Variants in UTRN observed in about 807,000 individuals in gnomAD.
UTRN encodes the protein utrophin.
Under a neutral mutation model 463.9 loss-of-function variants are expected in UTRN, and 283 were observed. That is an observed-to-expected ratio of 0.61 (90% CI 0.55 to 0.67). The LOEUF is 0.67. UTRN is among the 30% of genes least tolerant of loss of function. The pLI is 0.00. For missense variants in UTRN, 3,922 were observed against 4,084.3 expected, an observed-to-expected ratio of 0.96 and a Z score of 1.08; for synonymous variants, 1,442 against 1,431.5, an observed-to-expected ratio of 1.01 and a Z score of -0.17.
At chr6:144,824,905 C>T (rs1780042125) in intron 66 of UTRN, among the ~76,000 whole-genome samples, 2 of 151,776 alleles carry the variant, frequency 1.3e-5, no homozygotes, top group African/African-American at 4.8e-5. Flanking sequence ...TTTTCAGCCT[C>T]CCAAGAAGCT....
At chr6:144,470,486 G>A (rs545314991) in intron 23 of UTRN, among the ~76,000 whole-genome samples, 2 of 151,786 alleles carry the variant, frequency 1.3e-5, no homozygotes, top group African/African-American at 4.8e-5. Flanking sequence ...GGGCAGAGAC[G>A]CTCCCCACAT....
chr6:144,321,242 C>T (rs1031631209), intron 2 of UTRN, among the ~76,000 whole-genome samples: 4 of 151,918 alleles, frequency 2.6e-5, no homozygotes, highest in South Asian at 2.1e-4. Context: ...CCATATACAC[C>T]CATATCTGGG....
At chr6:144,432,123 CT>C (rs1255727373) in intron 9 of UTRN, among the ~76,000 whole-genome samples, 31 of 152,120 alleles carry the variant, frequency 2.0e-4, no homozygotes, top group African/African-American at 7.2e-4. Flanking sequence ...TCTCCTAATG[CT>C]ATTTAAAGAC....
intron 7 of UTRN, among the ~76,000 whole-genome samples, chr6:144,427,786 C>T (rs571437769): frequency 6.6e-6 from 1 of 152,196 alleles, no homozygotes; most frequent in East Asian, 1.9e-4. Flanking sequence ...TCAACAAATA[C>T]GTGTGGGGTG....
intron 51 of UTRN, among the ~76,000 whole-genome samples, chr6:144,666,272 T>G (rs1020796876): frequency 6.6e-6 from 1 of 152,230 alleles, no homozygotes; most frequent in South Asian, 2.1e-4. Context: ...CTGCATTTAT[T>G]TCTAAATTTT....
rs1562955094 is a variant in UTRN, at chr6:144,824,609, TA to T, written c.9495-2738del. ...ATATATATATATATATATATATATATATATCTTTTTTTTTTTTTTTTTTTTT... is the reference window on the plus strand; with the variant it reads ...ATATATATATATATATATATATATATTATCTTTTTTTTTTTTTTTTTTTTT... On this transcript the variant is annotated intron_variant, in intron 66 of 74. Transcript: ENST00000367545. 9.5e-3 allele frequency among the ~76,000 whole-genome samples: 437 copies of T among 45,974 alleles called. 3 individuals are homozygous for T. Among genetic ancestry groups the T allele is most frequent in the East Asian group, 0.013 (7 of 550 alleles). 30.2% of individuals were successfully genotyped at this position (45,974 alleles called of 152,430 possible).
intron 66 of UTRN, among the ~76,000 whole-genome samples, chr6:144,824,576 A>ATT (rs1779937518): frequency 1.3e-4 from 3 of 22,764 alleles, no homozygotes; most frequent in South Asian, 2.5e-3. Flanking sequence ...TTTTATTTAT[A>ATT]TATATATATA....
At chr6:144,645,087 C>T (rs987798887) in intron 51 of UTRN, among the ~76,000 whole-genome samples, 1 of 152,122 alleles carries the variant, frequency 6.6e-6, no homozygotes, top group Non-Finnish European at 1.5e-5. Flanking sequence ...AAGCATAACC[C>T]GAATTGCAAT....
At chr6:144,658,723 C>G (rs993098205) in intron 51 of UTRN, among the ~76,000 whole-genome samples, 1 of 152,190 alleles carries the variant, frequency 6.6e-6, no homozygotes, top group Non-Finnish European at 1.5e-5. Flanking sequence ...TATTGGTATA[C>G]TGTATAGCTA....
chr6:144,572,647 G>C (rs2128622634), intron 50 of UTRN, among the ~76,000 whole-genome samples: 1 of 152,212 alleles, frequency 6.6e-6, no homozygotes, highest in East Asian at 1.9e-4. Context: ...AACATGCAGT[G>C]TTTGGTTTTA....
chr6:144,480,135 G>A (rs575758044), intron 26 of UTRN, among the ~76,000 whole-genome samples, 153 bp downstream of exon 26: 29 of 152,286 alleles, frequency 1.9e-4, no homozygotes, highest in African/African-American at 5.5e-4. Context: ...CAGGGTAGCT[G>A]CTCTAATTTT....
In UTRN at chr6:144,438,739, G is replaced by C. The variant is rs370637312; in HGVS notation, c.1242-6G>C. 3.4e-5 allele frequency: 55 copies of C among 1,614,062 alleles called. No homozygotes were observed. The highest frequency in any genetic ancestry group is 3.3e-4 in the Middle Eastern group (2 of 6,060). ...GTAGGAATAATGCTGTGTTCCCCAC[G>C]GACAGGCTGCACGATGTGCTGATGG... is the stretch of plus-strand genomic sequence containing the variant. On this transcript the variant is annotated splice_region_variant and splice_polypyrimidine_tract_variant and intron_variant, in intron 11 of 74. Transcript: ENST00000367545.
chr6:144,594,009 A>T (rs1006544346), intron 51 of UTRN, among the ~76,000 whole-genome samples: 1 of 152,214 alleles, frequency 6.6e-6, no homozygotes, highest in Non-Finnish European at 1.5e-5. Context: ...CTTCTTTTGG[A>T]TGTAAGTCAG....
At chr6:144,744,320 A>ATATGTGTG (rs1430903028) in intron 54 of UTRN, among the ~76,000 whole-genome samples, 16 of 95,438 alleles carry the variant, frequency 1.7e-4, no homozygotes, top group Admixed American at 6.0e-4. Context: ...ATATATATAT[A>ATATGTGTG]TGTGTGTGTG....
chr6:144,650,892 G>C (rs1167449519), intron 51 of UTRN, among the ~76,000 whole-genome samples: 1 of 152,014 alleles, frequency 6.6e-6, no homozygotes, highest in Non-Finnish European at 1.5e-5. Context: ...CTGAGCGACA[G>C]AGCAAGACTC....
chr6:144,648,007 C>T (rs1385597302), intron 51 of UTRN, among the ~76,000 whole-genome samples: 2 of 152,194 alleles, frequency 1.3e-5, no homozygotes, highest in African/African-American at 4.8e-5. Context: ...TTTATGTCAC[C>T]TATACTTCTT....
At chr6:144,433,966 C>T (rs1302297089) in intron 9 of UTRN, among the ~76,000 whole-genome samples, 9 of 152,212 alleles carry the variant, frequency 5.9e-5, no homozygotes, top group Admixed American at 1.3e-4. Context: ...GCTGCAGTCT[C>T]GGCACTTTGG....
At chr6:144,804,278 C>A (rs761525056) in intron 65 of UTRN, among the ~76,000 whole-genome samples, 19 of 152,072 alleles carry the variant, frequency 1.2e-4, no homozygotes, top group Non-Finnish European at 2.4e-4. Context: ...GAAAATATTG[C>A]TGAATTATAA....
chr6:144,360,705 A>G (rs913400286), intron 2 of UTRN, among the ~76,000 whole-genome samples: 7 of 152,212 alleles, frequency 4.6e-5, no homozygotes, highest in African/African-American at 1.7e-4. Context: ...TAAATTCTCC[A>G]GCTCTCTTGC....
Sources: gnomAD v4.1 joint callset for allele counts (sites outside exome capture counted in the v4.1 genomes callset) on GRCh38, gnomAD v4.1.1 for gene constraint, MANE v1.5 for transcripts, NCBI Gene and HGNC (gene_info 2026-07-23, HGNC 2026-07-21) for gene names.